Variants in IGSF11 observed in about 807,000 individuals in gnomAD.
The protein encoded by IGSF11 is immunoglobulin superfamily member 11.
In IGSF11, 22 loss-of-function variants were observed where a neutral mutation model predicts 41.0. The observed-to-expected ratio is 0.54, with a 90% CI of 0.38 to 0.77. The LOEUF (loss-of-function observed/expected upper bound fraction) is 0.77, where lower values mean the gene tolerates loss of function less well. Ranked by LOEUF, IGSF11 falls within the 30% of genes least tolerant of loss-of-function variation. IGSF11 has a pLI of 0.00. For synonymous variants in IGSF11, 219 were observed against 201.3 expected, an observed-to-expected ratio of 1.09 and a Z score of -0.74; for missense variants, 444 against 530.8, an observed-to-expected ratio of 0.84 and a Z score of 1.61.
intron 4 of IGSF11, among the ~76,000 whole-genome samples, chr3:118,917,548 C>A (rs1194388199): frequency 7.9e-6 from 1 of 125,986 alleles, no homozygotes; most frequent in Non-Finnish European, 1.6e-5. Flanking sequence ...TCTCCCAAGA[C>A]TAAACCAGGA....
upstream of IGSF11, among the ~76,000 whole-genome samples, chr3:119,107,869 C>T (rs201396359): frequency 0.029 from 3,246 of 111,960 alleles, no homozygotes; most frequent in Middle Eastern, 0.049. Flanking sequence ...GCTTGTTTTT[C>T]TCAGGTTTGT....
chr3:119,067,623 G>A (rs993269679), intron 1 of IGSF11, among the ~76,000 whole-genome samples: 1 of 151,780 alleles, frequency 6.6e-6, no homozygotes, highest in Non-Finnish European at 1.5e-5. Flanking sequence ...CGTACTGTGG[G>A]GAAAAAACTT....
intron 1 of IGSF11, among the ~76,000 whole-genome samples, chr3:119,021,689 A>G (rs2107713966): frequency 6.6e-6 from 1 of 152,264 alleles, no homozygotes; most frequent in Middle Eastern, 3.4e-3. Context: ...TGAATTCTAG[A>G]TGGGCTGTAG....
At chr3:119,065,082 C>T (rs2107458462) in intron 1 of IGSF11, among the ~76,000 whole-genome samples, 1 of 152,254 alleles carries the variant, frequency 6.6e-6, no homozygotes, top group Admixed American at 6.5e-5. Context: ...GACTCATACC[C>T]AATTTCAGAG....
intron 1 of IGSF11, among the ~76,000 whole-genome samples, chr3:119,023,755 G>A (rs1939546992): frequency 6.6e-6 from 1 of 152,134 alleles, no homozygotes; most frequent in South Asian, 2.1e-4. Flanking sequence ...CTCCACTCAA[G>A]TCGAAGAAAA....
At chr3:118,930,448 T>G (rs1942757354) in intron 1 of IGSF11, among the ~76,000 whole-genome samples, 173 bp from the exon 2 acceptor site, 1 of 152,236 alleles carries the variant, frequency 6.6e-6, no homozygotes, top group South Asian at 2.1e-4. Flanking sequence ...ATAAAAATGG[T>G]TCATCCCTTT....
intron 1 of IGSF11, among the ~76,000 whole-genome samples, chr3:118,946,204 G>GCACACACA (rs148772016): frequency 2.1e-5 from 3 of 140,666 alleles, no homozygotes; most frequent in African/African-American, 7.8e-5. Flanking sequence ...ACACACACAC[G>GCACACACA]CACACACACA....
Position 119,136,833 on chromosome 3 carries a change from G to A in IGSF11, c.-14+8980C>T, listed in dbSNP as rs892802207. ...ATAATCTTGTATTTGGAAAAACCTC[G>A]GGACTCCACAAAAAAAAACTATTAG... On this transcript the variant is annotated intron_variant, in intron 1 of 7. Transcript: ENST00000425327. 4.6e-5 allele frequency among the ~76,000 whole-genome samples: 7 copies of A among 151,796 alleles called. 1 individual carries two copies. The highest frequency in any genetic ancestry group is 9.7e-5 in the African/African-American group (4 of 41,418).
At chr3:119,106,651 T>C (rs1313274315), upstream of IGSF11, among the ~76,000 whole-genome samples, 3 of 152,310 alleles carry the variant, frequency 2.0e-5, no homozygotes, top group African/African-American at 7.2e-5. Context: ...GTTAGTTACA[T>C]ATGTATACAT....
intron 1 of IGSF11, among the ~76,000 whole-genome samples, chr3:119,101,041 C>G (rs2076931619): frequency 6.6e-6 from 1 of 152,184 alleles, no homozygotes. Flanking sequence ...ACTCCTTTCT[C>G]TTCCTCACTA....
intron 4 of IGSF11, among the ~76,000 whole-genome samples, chr3:118,910,389 C>T (rs936091500): frequency 2.6e-5 from 4 of 152,108 alleles, no homozygotes; most frequent in Non-Finnish European, 4.4e-5. Context: ...AACATCTAAT[C>T]GAGCCCCATA....
chr3:118,938,231 C>T (rs1943427145), intron 1 of IGSF11, among the ~76,000 whole-genome samples: 1 of 152,160 alleles, frequency 6.6e-6, no homozygotes, highest in Non-Finnish European at 1.5e-5. Flanking sequence ...TCACTTCCTC[C>T]TGACTTCATA....
chr3:119,030,489 T>C lies in IGSF11; in HGVS notation c.52+4042A>G, dbSNP rs539414145. 2.0e-5 allele frequency among the ~76,000 whole-genome samples: 3 copies of C among 152,310 alleles called. No individual in the cohort carries two copies. The South Asian group carries it at 6.2e-4, about 32-fold the overall frequency. Reference sequence around the variant, plus strand: ...TTACAAATGCAAACTACTACTGTGGTCTTTTTCTTGGGTGGCAGAAAACCA... The same window carrying C: ...TTACAAATGCAAACTACTACTGTGGCCTTTTTCTTGGGTGGCAGAAAACCA... On this transcript the variant is annotated intron_variant, in intron 1 of 6. Transcript: ENST00000393775.
intron 1 of IGSF11, among the ~76,000 whole-genome samples, chr3:119,068,876 G>A (rs1942310628): frequency 6.7e-6 from 1 of 149,410 alleles, no homozygotes; most frequent in Non-Finnish European, 1.5e-5. Context: ...TGCAATTAGA[G>A]CATATAAAGG....
intron 1 of IGSF11, among the ~76,000 whole-genome samples, chr3:119,096,104 T>C (rs562842289): frequency 1.3e-4 from 20 of 152,296 alleles, no homozygotes; most frequent in Non-Finnish European, 2.4e-4. Flanking sequence ...GCACAGTGTT[T>C]AGTACTTAGT....
At chr3:118,935,205 A>G (rs1943149187) in intron 1 of IGSF11, among the ~76,000 whole-genome samples, 1 of 148,558 alleles carries the variant, frequency 6.7e-6, no homozygotes, top group African/African-American at 2.5e-5. Context: ...CAATTACTTC[A>G]ATTTCCACAT....
intron 1 of IGSF11, among the ~76,000 whole-genome samples, chr3:119,004,558 G>T (rs1302741664): frequency 7.1e-6 from 1 of 140,038 alleles, no homozygotes; most frequent in Non-Finnish European, 1.5e-5. Flanking sequence ...TGATGTTAGG[G>T]TGTCAATTTT....
intron 1 of IGSF11, among the ~76,000 whole-genome samples, chr3:119,047,489 T>G (rs1322147883): frequency 2.0e-5 from 3 of 152,162 alleles, no homozygotes; most frequent in Non-Finnish European, 4.4e-5. Context: ...GCACCCTGAT[T>G]CATAAAGCAA....
At chr3:118,952,220 C>G (rs558791621) in intron 1 of IGSF11, among the ~76,000 whole-genome samples, 41 of 152,236 alleles carry the variant, frequency 2.7e-4, no homozygotes, top group African/African-American at 9.6e-4. Context: ...AATAGAAGGT[C>G]TTGCCTCAAT....
Sources: gnomAD v4.1 joint callset for allele counts (sites outside exome capture counted in the v4.1 genomes callset) on GRCh38, gnomAD v4.1.1 for gene constraint, MANE v1.5 for transcripts, NCBI Gene and HGNC (gene_info 2026-07-23, HGNC 2026-07-21) for gene names.